The following GSE1 variants were observed in gnomAD, a reference collection of about 807,000 sequenced individuals.
The protein encoded by GSE1 is Gse1 coiled-coil protein, also known as genetic suppressor element 1.
In GSE1, 32 loss-of-function variants were observed where a neutral mutation model predicts 112.6. The ratio of observed to expected loss-of-function variants is 0.28; its 90% CI spans 0.21 to 0.38. The LOEUF is 0.38. GSE1 is among the 10% of genes least tolerant of loss of function. GSE1 has a pLI of 1.00. For synonymous variants in GSE1, 1,115 were observed against 735.6 expected (o/e 1.52, Z -8.35); for missense variants, 2,348 against 1,699.2 (o/e 1.38, Z -6.71).
intron 1 of GSE1, among the ~76,000 whole-genome samples, chr16:85,194,061 A>C (rs960381897): frequency 6.6e-6 from 1 of 152,196 alleles, no homozygotes; most frequent in African/African-American, 2.4e-5. Flanking sequence ...GGCCTTGCCC[A>C]GGCTCATGCG....
intron 1 of GSE1, among the ~76,000 whole-genome samples, chr16:85,585,532 G>T (rs1002912491): frequency 6.6e-6 from 1 of 152,194 alleles, no homozygotes; most frequent in African/African-American, 2.4e-5. Flanking sequence ...TTGCCTTTGG[G>T]GTGTCTTTCT....
intron 1 of GSE1, among the ~76,000 whole-genome samples, chr16:85,242,953 A>T (rs1261443222): frequency 3.3e-5 from 5 of 152,272 alleles, no homozygotes; most frequent in Admixed American, 2.0e-4. Context: ...CTGAGACTAC[A>T]GGTGCACACC....
chr16:85,206,798 A>G (rs918027741), intron 1 of GSE1, among the ~76,000 whole-genome samples: 1 of 150,036 alleles, frequency 6.7e-6, no homozygotes, highest in Non-Finnish European at 1.5e-5. Context: ...CCCCGCCAGG[A>G]TGGAGGTGCT....
At chr16:85,261,783 G>T (rs8046942) in intron 1 of GSE1, among the ~76,000 whole-genome samples, 40,872 of 152,164 alleles carry the variant, frequency 0.27, 5,599 homozygotes, top group African/African-American at 0.3. Context: ...ATCGTCCCCA[G>T]TCTACAGACA....
intron 1 of GSE1, among the ~76,000 whole-genome samples, chr16:85,627,744 A>C (rs1038502829): frequency 1.3e-5 from 2 of 152,062 alleles, no homozygotes; most frequent in African/African-American, 4.8e-5. Context: ...TGTTAGGATA[A>C]TGAATTTACA....
intron 1 of GSE1, among the ~76,000 whole-genome samples, chr16:85,205,449 A>G (rs536289999): frequency 1.3e-4 from 20 of 152,318 alleles, no homozygotes; most frequent in African/African-American, 4.8e-4. Flanking sequence ...TGTTTTGCTG[A>G]TAAGGAAAGT....
intron 1 of GSE1, among the ~76,000 whole-genome samples, chr16:85,329,241 A>G (rs1016812012): frequency 1.3e-5 from 2 of 152,050 alleles, no homozygotes; most frequent in African/African-American, 4.8e-5. Context: ...CAGTTTGTTC[A>G]TCTGTAAAAT....
chr16:85,420,441 C>T lies in GSE1; in HGVS notation c.2464+62798C>T, dbSNP rs148467265. Among the ~76,000 whole-genome samples the T allele has an allele frequency of 2.7e-3, 412 of 152,256 alleles. 2 individuals are homozygous for T. The highest frequency in any genetic ancestry group is 9.4e-3 in the African/African-American group (390 of 41,542). On this transcript the variant is annotated intron_variant, in intron 2 of 2. Coordinates refer to the GSE1 transcript ENST00000637419. ...AGGATCAGGCAGGATTTGCTTCTGT[C>T]TTGTCCTCCCTCCCCATCGCCATGT...
At chr16:85,553,476 A>T (rs1342311412), upstream of GSE1, among the ~76,000 whole-genome samples, 1 of 151,542 alleles carries the variant, frequency 6.6e-6, no homozygotes, top group Non-Finnish European at 1.5e-5. Context: ...GGTTTCCTAC[A>T]GGTCAGCAGC....
intron 1 of GSE1, among the ~76,000 whole-genome samples, chr16:85,275,888 C>G (rs780740807): frequency 1.3e-5 from 2 of 152,254 alleles, no homozygotes; most frequent in Admixed American, 1.3e-4. Context: ...TCTCTGCTCT[C>G]TGGCCCCGTT....
intron 2 of GSE1, among the ~76,000 whole-genome samples, chr16:85,483,233 G>A (rs1412675607): frequency 1.3e-5 from 2 of 152,216 alleles, no homozygotes; most frequent in African/African-American, 2.4e-5. Context: ...CTGAAAAAGC[G>A]AGGCTCTCTG....
chr16:85,240,084 T>C (rs542415121), intron 1 of GSE1, among the ~76,000 whole-genome samples: 1 of 152,370 alleles, frequency 6.6e-6, no homozygotes, highest in South Asian at 2.1e-4. Context: ...TTAAGCAAGT[T>C]ACTGAATCTC....
At chr16:85,341,494 C>G (rs919709090) in intron 1 of GSE1, among the ~76,000 whole-genome samples, 1 of 152,050 alleles carries the variant, frequency 6.6e-6, no homozygotes, top group African/African-American at 2.4e-5. Context: ...CCCGTCTCTA[C>G]TAAAAATACA....
intron 2 of GSE1, among the ~76,000 whole-genome samples, chr16:85,533,269 A>G (rs1192462723): frequency 2.6e-5 from 4 of 151,752 alleles, no homozygotes; most frequent in Non-Finnish European, 5.9e-5. Flanking sequence ...AAAATACAAA[A>G]ATTAGCCGGG....
chr16:85,654,021 G>T (rs994500455), intron 3 of GSE1, among the ~76,000 whole-genome samples: 1 of 152,088 alleles, frequency 6.6e-6, no homozygotes, highest in African/African-American at 2.4e-5. Flanking sequence ...TCTTTTGCTG[G>T]ACTGAGGAGG....
intron 1 of GSE1, among the ~76,000 whole-genome samples, chr16:85,309,573 A>G (rs1257298630): frequency 1.3e-5 from 2 of 152,254 alleles, no homozygotes; most frequent in South Asian, 4.1e-4. Flanking sequence ...TTAACTCAGC[A>G]CATCCAAAAT....
intron 2 of GSE1, among the ~76,000 whole-genome samples, chr16:85,504,985 TCTC>T (rs991343179): frequency 2.7e-5 from 4 of 150,504 alleles, no homozygotes; most frequent in Non-Finnish European, 5.9e-5. Context: ...TCCCAACCAT[TCTC>T]CTCGTCAGCA....
intron 2 of GSE1, among the ~76,000 whole-genome samples, chr16:85,396,307 C>G (rs1009857432): frequency 2.6e-5 from 4 of 152,232 alleles, no homozygotes; most frequent in African/African-American, 4.8e-5. Context: ...GAGTGGGTGG[C>G]CGTGTTGTTT....
chr16:85,354,421 C>T (rs953436978), intron 1 of GSE1, among the ~76,000 whole-genome samples: 6 of 152,258 alleles, frequency 3.9e-5, no homozygotes, highest in Admixed American at 1.3e-4. Context: ...AGTAGGTGCT[C>T]AGTAAAAAGG....
Sources: allele counts gnomAD v4.1 joint callset (sites outside exome capture counted in the v4.1 genomes callset), GRCh38; gene constraint gnomAD v4.1.1; transcripts MANE v1.5; gene names NCBI Gene and HGNC (gene_info 2026-07-23, HGNC 2026-07-21).